Variants in UPK3B observed in about 807,000 individuals in gnomAD.
UPK3B encodes the protein uroplakin-3b.
In UPK3B, 21 loss-of-function variants were observed where a neutral mutation model predicts 27.6. The ratio of observed to expected loss-of-function variants is 0.76; its 90% CI spans 0.54 to 1.10. The LOEUF (loss-of-function observed/expected upper bound fraction) is 1.10. UPK3B is among the 50% of genes least tolerant of loss of function. The pLI is 0.00. For missense variants in UPK3B, 306 were observed against 376.1 expected (o/e 0.81, Z 1.54); for synonymous variants, 141 against 162.3 (o/e 0.87, Z 1.00).
rs909776466 is a variant in UPK3B at position 76,514,537 on chromosome 7, G to A, written c.671+461G>A. Reference sequence around the variant, plus strand: ...TCCTCTGGTGGTTTAGTAAGCTGACGCCAGGGTAGTCAGGGTGGCCACCTG... The same window carrying A: ...TCCTCTGGTGGTTTAGTAAGCTGACACCAGGGTAGTCAGGGTGGCCACCTG... On this transcript the variant is annotated intron_variant, in intron 5 of 5. Coordinates refer to ENST00000334348, the MANE Select transcript of UPK3B (RefSeq NM_001347684.2). 4.6e-5 allele frequency among the ~76,000 whole-genome samples: 7 copies of A among 152,304 alleles called. No individual in the cohort carries two copies. In the East Asian group the frequency reaches 9.7e-4, roughly 21 times the overall value.
rs1212782182 is a variant in UPK3B, at chr7:76,513,168, C to T, written c.541+5C>T. On this transcript the variant is annotated splice_donor_5th_base_variant and intron_variant, in intron 4 of 5. Transcript: ENST00000334348. ...ACCCCATCACTCTCCACCAAGGTAG[C>T]GCTGGGCAGGAGGGGCGCTGCCCCC... 1.2e-5 allele frequency: 19 copies of T among 1,613,030 alleles called. No homozygotes were observed. The highest frequency in any genetic ancestry group is 1.6e-4 in the Middle Eastern group (1 of 6,080).
Position 76,511,027 on chromosome 7 carries a change from C to G in UPK3B, c.210C>G (p.Val70=). The change falls in exon 2 of 6, where the codon GTC becomes GTG. Residue 70 remains valine (V), a synonymous_variant. Coordinates refer to ENST00000334348, the MANE Select transcript of UPK3B (RefSeq NM_001347684.2). ...FDGLASASDT[V]WLVVAFSNAS... ...GGCTTGCCAGCGCCAGCGATACCGT[C>G]TGGCTCGTGGTGGCCTTCAGCAATG... 2 of 1,601,702 alleles carry G rather than the reference C, an allele frequency of 1.2e-6. No individual in the cohort carries two copies. The highest frequency in any genetic ancestry group is 1.7e-6 in the Non-Finnish European group (2 of 1,173,996).
Position 76,515,430 on chromosome 7 carries a change from T to C in UPK3B, c.*226T>C. On this transcript the variant is annotated 3_prime_UTR_variant, in exon 6 of 6. Transcript: ENST00000334348. ...CATCTGTAAGTTGCACTCAGGAGGG[T>C]TTAGGGGAGGGCCATGGGCAGGCTG... 6.7e-7 allele frequency: 1 copy of C among 1,494,720 alleles called. No individual in the cohort carries two copies. The highest frequency in any genetic ancestry group is 8.9e-7 in the Non-Finnish European group (1 of 1,125,480). The allele number at this position is 1,494,720 out of a possible 1,614,324, so 92.6% of individuals were successfully genotyped here.
intron 4 of UPK3B, 148 bp from the exon 5 acceptor site, chr7:76,513,799 G>C: frequency 2.6e-6 from 3 of 1,152,734 alleles, no homozygotes; most frequent in Non-Finnish European, 3.7e-6. Flanking sequence ...GAAGAGGGAC[G>C]GGGGGTGGGA....
rs753518758 is a variant in UPK3B, at chr7:76,515,252, G to A, written c.*48G>A. On this transcript the variant is annotated 3_prime_UTR_variant, in exon 6 of 6. Coordinates refer to ENST00000334348, the MANE Select transcript of UPK3B (RefSeq NM_001347684.2). The stretch of plus-strand genomic sequence containing the variant: ...GGGGGAGATGGGGCGCTGGGAGTGA[G>A]TGCATGGTGCTTTGTCCCAGCTCCT... 6.4e-7 allele frequency: 1 copy of A among 1,567,966 alleles called. No homozygotes were observed. The highest frequency in any genetic ancestry group is 1.9e-5 in the Admixed American group (1 of 53,828).
At chr7:76,513,897 C>T in intron 4 of UPK3B, 50 bp from the exon 5 acceptor site, 2 of 1,609,076 alleles carry the variant, frequency 1.2e-6, no homozygotes, top group Non-Finnish European at 1.7e-6. Flanking sequence ...AGATGACAGC[C>T]AGCCCTGGGG....
In UPK3B at chr7:76,515,827, A is replaced by C; in HGVS notation, c.*623A>C. ...GGCTCTAGCCCTTATCCACCCCCTC[A>C]AGCATTTATTAAGCATCTGCTGTAT... On this transcript the variant is annotated 3_prime_UTR_variant, in exon 6 of 6. Coordinates refer to ENST00000334348, the MANE Select transcript of UPK3B (RefSeq NM_001347684.2). 1.6e-6 allele frequency: 1 copy of C among 610,892 alleles called. No homozygotes were observed. Among genetic ancestry groups the C allele is most frequent in the Non-Finnish European group, 1.9e-6 (1 of 529,772 alleles). The allele number at this position is 610,892 out of a possible 1,614,324, so 37.8% of individuals were successfully genotyped here. A position where few individuals can be genotyped will look rare whatever the true frequency, so the allele number is the denominator to read the frequency against.
Position 76,513,939 on chromosome 7 carries a change from G to A in UPK3B, c.542-8G>A. Reference sequence around the variant, plus strand: ...GGCAGCCCCTCTGAGCAGCTGGTGTGTGTGCAGGGAAGACCCCCGGATCCA... The same window carrying A: ...GGCAGCCCCTCTGAGCAGCTGGTGTATGTGCAGGGAAGACCCCCGGATCCA... On this transcript the variant is annotated splice_region_variant and splice_polypyrimidine_tract_variant and intron_variant, in intron 4 of 5. Transcript: ENST00000334348. 1.2e-6 allele frequency: 2 copies of A among 1,613,876 alleles called. No homozygotes were observed. Among genetic ancestry groups the A allele is most frequent in the Non-Finnish European group, 1.7e-6 (2 of 1,179,912 alleles).
At chr7:76,514,161 ATG>A in intron 5 of UPK3B, 85 bp downstream of exon 5, 1 of 1,594,500 alleles carries the variant, frequency 6.3e-7, no homozygotes, top group Non-Finnish European at 8.6e-7. Context: ...CCCTCCAGGC[ATG>A]CCATGGGGTT....
chr7:76,511,251 C>T (rs560827872), intron 2 of UPK3B, among the ~76,000 whole-genome samples, 199 bp downstream of exon 2: 42 of 150,224 alleles, frequency 2.8e-4, no homozygotes, highest in Admixed American at 4.7e-4. Flanking sequence ...CACCAAATCC[C>T]GGGAGTAGTG....
intron 5 of UPK3B, among the ~76,000 whole-genome samples, 200 bp from the exon 6 acceptor site, chr7:76,514,845 A>G: frequency 6.6e-6 from 1 of 151,216 alleles, no homozygotes; most frequent in East Asian, 2.0e-4. Context: ...GGCGAAGGTT[A>G]CAGTGAGCTT....
intron 2 of UPK3B, 99 bp from the exon 3 acceptor site, chr7:76,511,558 G>A: frequency 2.3e-6 from 3 of 1,288,820 alleles, no homozygotes; most frequent in South Asian, 1.4e-5. Flanking sequence ...AGGTGGCATG[G>A]GGGGTCAGGG....
At position 76,515,152 on chromosome 7, in the gene UPK3B, T is replaced by C. The variant is rs766374064; in HGVS notation, c.779T>C (p.Leu260Pro). 6.3e-7 allele frequency: 1 copy of C among 1,598,840 alleles called. No individual in the cohort carries two copies. Among genetic ancestry groups the C allele is most frequent in the Non-Finnish European group, 8.5e-7 (1 of 1,173,514 alleles). Residue 260 changes from leucine to proline, a missense_variant, in exon 6 of 6, where the codon CTG becomes CCG. Around this residue, in one of 4 missense-constraint regions of UPK3B, gnomAD observed 174 missense variants for 166.6 expected, o/e 1.04. Transcript: ENST00000334348. ...HHIPPREAAT[L>P]PVGCKPGLDP... is the part of the protein sequence containing the mutation. ...ATCCCACCCAGAGAGGCCGCCACAC[T>C]GCCGGTGGGCTGCAAGCCTGGCCTG...
In UPK3B at chr7:76,510,721, G is replaced by A; in HGVS notation, c.69G>A (p.Arg23=). The A allele has an allele frequency of 1.3e-6, 2 of 1,520,064 alleles. No individual in the cohort carries two copies. The highest frequency in any genetic ancestry group is 8.8e-7 in the Non-Finnish European group (1 of 1,132,312). 94.2% of individuals were successfully genotyped at this position (1,520,064 alleles called of 1,614,324 possible). A position where few individuals can be genotyped will look rare whatever the true frequency, so the allele number is the denominator to read the frequency against. Reference sequence around the variant, plus strand: ...TCCTCCTGGCGTTGAACTGTCTCCGGCCCAGCCTGAGCCTGGGTGAGTGGG... The same window carrying A: ...TCCTCCTGGCGTTGAACTGTCTCCGACCCAGCCTGAGCCTGGGTGAGTGGG... ...QMLLLALNCL[R]PSLSLELVPY... The change falls in exon 1 of 6, where the codon CGG becomes CGA. Residue 23 remains arginine (R), a synonymous_variant. Coordinates refer to ENST00000334348, the MANE Select transcript of UPK3B (RefSeq NM_001347684.2).
At chr7:76,511,175 G>A in intron 2 of UPK3B, 123 bp downstream of exon 2, 2 of 1,132,110 alleles carry the variant, frequency 1.8e-6, no homozygotes, top group South Asian at 3.4e-5. Context: ...TGGGAGAGTA[G>A]GTGTGGATGA....
At chr7:76,514,703 C>G (rs1812665852) in intron 5 of UPK3B, among the ~76,000 whole-genome samples, 1 of 152,026 alleles carries the variant, frequency 6.6e-6, no homozygotes, top group African/African-American at 2.4e-5. Context: ...GCCAAAAGTT[C>G]AAGACCAGCC....
intron 3 of UPK3B, 29 bp from the exon 4 acceptor site, chr7:76,513,055 C>T (rs1356975963): frequency 6.3e-7 from 1 of 1,596,928 alleles, no homozygotes; most frequent in Admixed American, 1.7e-5. Flanking sequence ...GAAGCTCTCC[C>T]CTCCTCCCCC....
Position 76,513,113 on chromosome 7 carries a change from G to C in UPK3B, c.491G>C (p.Gly164Ala), listed in dbSNP as rs143276031. ...AAGTTCCTCCTGATGGACACCAGGGGCTCACCCAGGGCTGAGACCAAGTGG... is the reference window on the plus strand; with the variant it reads ...AAGTTCCTCCTGATGGACACCAGGGCCTCACCCAGGGCTGAGACCAAGTGG... ...RVKFLLMDTRGSPRAETKWSD... is the reference protein window; with the variant it reads ...RVKFLLMDTRASPRAETKWSD... The change falls in exon 4 of 6, where the codon GGC becomes GCC. Residue 164 changes from glycine (G) to alanine (A), a missense_variant. Physicochemically the swap from Gly to Ala is moderately conservative, Grantham distance 60. Transcript: ENST00000334348. 1 of 1,613,830 alleles carries C rather than the reference G, an allele frequency of 6.2e-7. No individual in the cohort carries two copies. The highest frequency in any genetic ancestry group is 1.3e-5 in the African/African-American group (1 of 75,058).
chr7:76,514,920 A>AG, intron 5 of UPK3B, 125 bp from the exon 6 acceptor site: 14 of 1,276,378 alleles, frequency 1.1e-5, no homozygotes, highest in Non-Finnish European at 1.3e-5. Flanking sequence ...AAAAAAAAAA[A>AG]AAAAGAAAAG....
Sources: allele counts gnomAD v4.1 joint callset (sites outside exome capture counted in the v4.1 genomes callset), GRCh38; gene constraint gnomAD v4.1.1; regional missense constraint gnomAD v4.1.1; transcripts MANE v1.5; gene names NCBI Gene and HGNC (gene_info 2026-07-23, HGNC 2026-07-21).